Variants in RAD51B observed in about 807,000 individuals in gnomAD.
RAD51B encodes the protein DNA repair protein RAD51 homolog 2.
A neutral mutation model predicts 42.2 loss-of-function variants in RAD51B; 38 were observed. The observed-to-expected ratio is 0.90, with a 90% confidence interval of 0.70 to 1.18. The LOEUF is 1.18. RAD51B is among the 50% of genes most tolerant of loss of function. RAD51B has a pLI of 0.00. For synonymous variants in RAD51B, 154 were observed against 145.2 expected, an observed-to-expected ratio of 1.06 and a Z score of -0.43; for missense variants, 373 against 400.7, an observed-to-expected ratio of 0.93 and a Z score of 0.59.
At chr14:68,461,575 G>A (rs78121739) in intron 9 of RAD51B, among the ~76,000 whole-genome samples, 2 of 152,082 alleles carry the variant, frequency 1.3e-5, no homozygotes, top group African/African-American at 4.8e-5. Context: ...GGTTGTTGTT[G>A]TTCTCATCAG....
chr14:68,344,961 A>C (rs75424537), intron 8 of RAD51B, among the ~76,000 whole-genome samples: 26,324 of 150,944 alleles, frequency 0.17, 3,296 homozygotes, highest in African/African-American at 0.35. Flanking sequence ...AAAAAAAAAA[A>C]AAAAAACAAC....
At chr14:68,472,995 AT>A (rs1165239307) in intron 10 of RAD51B, among the ~76,000 whole-genome samples, 2 of 152,012 alleles carry the variant, frequency 1.3e-5, no homozygotes, top group African/African-American at 4.8e-5. Flanking sequence ...TTCCCACCCC[AT>A]TTTTTTAGTC....
chr14:67,998,877 G>A (rs2140306242), intron 7 of RAD51B, among the ~76,000 whole-genome samples: 1 of 152,270 alleles, frequency 6.6e-6, no homozygotes, highest in Non-Finnish European at 1.5e-5. Flanking sequence ...CTCTATGTAT[G>A]TGCAGCTTAA....
chr14:68,445,954 A>G (rs2085410171), intron 9 of RAD51B, among the ~76,000 whole-genome samples: 1 of 152,220 alleles, frequency 6.6e-6, no homozygotes, highest in East Asian at 1.9e-4. Context: ...GATTAAACCA[A>G]TAGACTCTAG....
rs760175732 is a variant in RAD51B at position 68,409,879 on chromosome 14, A to T, written c.854-1545A>T. Among the ~76,000 whole-genome samples the T allele has an allele frequency of 8.6e-4, 131 of 152,268 alleles. 1 individual carries two copies. Among genetic ancestry groups the T allele is most frequent in the Non-Finnish European group, 2.6e-4 (18 of 68,044 alleles). On this transcript the variant is annotated intron_variant, in intron 8 of 10. Coordinates refer to ENST00000471583, the MANE Select transcript of RAD51B (RefSeq NM_133510.4). Reference sequence around the variant, plus strand: ...TTTGTGCATATTTTGAATTGTGTGCATAATGAACTGAGGTTACCCCAAATT... The same window carrying T: ...TTTGTGCATATTTTGAATTGTGTGCTTAATGAACTGAGGTTACCCCAAATT...
intron 10 of RAD51B, among the ~76,000 whole-genome samples, chr14:68,623,048 C>T (rs17756615): frequency 0.23 from 35,292 of 152,102 alleles, 4,378 homozygotes; most frequent in South Asian, 0.35. Flanking sequence ...CCCAAGCTCA[C>T]GGGAGGCAAG....
chr14:68,222,500 A>T (rs2079949649), intron 7 of RAD51B, among the ~76,000 whole-genome samples: 2 of 151,600 alleles, frequency 1.3e-5, no homozygotes, highest in South Asian at 4.2e-4. Context: ...CATAAGAATG[A>T]TGCATGGGAC....
intron 5 of RAD51B, among the ~76,000 whole-genome samples, chr14:67,874,692 C>G (rs1222998071): frequency 6.6e-6 from 1 of 151,940 alleles, no homozygotes; most frequent in Non-Finnish European, 1.5e-5. Flanking sequence ...ACCTACTGGA[C>G]TTCTGCTTAA....
intron 7 of RAD51B, among the ~76,000 whole-genome samples, chr14:68,262,308 C>A (rs961050404): frequency 7.9e-5 from 12 of 152,014 alleles, no homozygotes; most frequent in Non-Finnish European, 1.5e-4. Context: ...GCTGAGGGGA[C>A]CTGAGATATT....
intron 11 of RAD51B, among the ~76,000 whole-genome samples, chr14:68,682,388 C>T (rs1000270431): frequency 1.2e-4 from 18 of 152,314 alleles, no homozygotes; most frequent in Non-Finnish European, 4.4e-5. Context: ...ACACCAAGCT[C>T]GAGAGAGTCT....
intron 7 of RAD51B, among the ~76,000 whole-genome samples, chr14:68,260,933 AT>A: frequency 6.6e-6 from 1 of 152,376 alleles, no homozygotes; most frequent in Non-Finnish European, 1.5e-5. Context: ...CATTAAGTAC[AT>A]TCACAACAAT....
intron 11 of RAD51B, among the ~76,000 whole-genome samples, chr14:68,667,235 T>C (rs1893049917): frequency 6.6e-6 from 1 of 152,228 alleles, no homozygotes; most frequent in South Asian, 2.1e-4. Context: ...GAGTTGATGC[T>C]TCAGCCTTGA....
intron 10 of RAD51B, among the ~76,000 whole-genome samples, chr14:68,594,192 A>G (rs1320550716): frequency 6.6e-6 from 1 of 151,632 alleles, no homozygotes; most frequent in Non-Finnish European, 1.5e-5. Context: ...TGAGACCACA[A>G]TTTCCTCTCC....
chr14:67,968,182 C>T (rs1289568354), intron 7 of RAD51B, among the ~76,000 whole-genome samples: 2 of 152,218 alleles, frequency 1.3e-5, no homozygotes, highest in African/African-American at 4.8e-5. Flanking sequence ...CTAGGCTGCA[C>T]TTAGCATGGG....
chr14:67,836,862 A>G (rs1298075106), intron 4 of RAD51B, among the ~76,000 whole-genome samples: 1 of 152,168 alleles, frequency 6.6e-6, no homozygotes, highest in African/African-American at 2.4e-5. Flanking sequence ...GACTTCATAG[A>G]CAATGTTTAT....
At chr14:68,056,726 C>A (rs1194199929) in intron 7 of RAD51B, among the ~76,000 whole-genome samples, 1 of 151,580 alleles carries the variant, frequency 6.6e-6, no homozygotes, top group Non-Finnish European at 1.5e-5. Context: ...CCAGCCTTGG[C>A]GACAGACCAA....
intron 7 of RAD51B, among the ~76,000 whole-genome samples, chr14:68,277,070 C>A (rs1318554427): frequency 2.0e-5 from 3 of 152,164 alleles, no homozygotes; most frequent in Non-Finnish European, 4.4e-5. Context: ...AACCTCCTTG[C>A]AATCTCACTC....
At chr14:68,605,358 C>T (rs1243384351) in intron 10 of RAD51B, among the ~76,000 whole-genome samples, 1 of 152,250 alleles carries the variant, frequency 6.6e-6, no homozygotes, top group Non-Finnish European at 1.5e-5. Flanking sequence ...AGAAAGGGTG[C>T]TCATCGCAGA....
chr14:67,915,117 TA>T (rs2044108736), intron 7 of RAD51B, among the ~76,000 whole-genome samples: 1 of 152,206 alleles, frequency 6.6e-6, no homozygotes, highest in Non-Finnish European at 1.5e-5. Context: ...AAAAACTAAC[TA>T]CTGGGTGCCA....
Sources: gnomAD v4.1 joint callset for allele counts (sites outside exome capture counted in the v4.1 genomes callset) on GRCh38, gnomAD v4.1.1 for gene constraint, MANE v1.5 for transcripts, NCBI Gene and HGNC (gene_info 2026-07-23, HGNC 2026-07-21) for gene names.